Variants in TLR4 observed in about 807,000 individuals in gnomAD.
TLR4 encodes the protein toll like receptor 4, also known as toll-like receptor 4.
TLR4 carries 17 observed loss-of-function variants against 27.4 expected under a neutral mutation model. That is an observed-to-expected ratio of 0.62 (90% CI 0.42 to 0.93). The LOEUF (loss-of-function observed/expected upper bound fraction) is 0.93, where lower values mean the gene tolerates loss of function less well. TLR4 is among the 40% of genes least tolerant of loss of function. TLR4 has a pLI of 0.00. For missense variants in TLR4, 926 were observed against 962.3 expected, an observed-to-expected ratio of 0.96 and a Z score of 0.50; for synonymous variants, 363 against 365.7, an observed-to-expected ratio of 0.99 and a Z score of 0.08.
At chr9:117,705,733 CTTGT>C (rs1163601859) in intron 1 of TLR4, among the ~76,000 whole-genome samples, 1 of 152,106 alleles carries the variant, frequency 6.6e-6, no homozygotes, top group African/African-American at 2.4e-5. Context: ...TCTGCACGTT[CTTGT>C]TTGTTATGTA....
At position 117,717,728 on chromosome 9, in the gene TLR4, A is replaced by C. The variant is rs1292130665; in HGVS notation, c.*3080A>C. On this transcript the variant is annotated 3_prime_UTR_variant, in exon 3 of 3. Coordinates refer to ENST00000355622, the MANE Select transcript of TLR4 (RefSeq NM_138554.5). ...TCTGCATAAGTGTGTTTATTCAAGC[A>C]AATGTACAAGGCTCTGAGAAGGAAG... 2.0e-5 allele frequency: 3 copies of C among 152,166 alleles called. No individual in the cohort carries two copies. Among genetic ancestry groups the C allele is most frequent in the East Asian group, 1.9e-4 (1 of 5,186 alleles). 9.4% of individuals were successfully genotyped at this position (152,166 alleles called of 1,614,324 possible).
chr9:117,707,688 A>G (rs911081410), intron 1 of TLR4, among the ~76,000 whole-genome samples: 2 of 152,126 alleles, frequency 1.3e-5, no homozygotes, highest in African/African-American at 4.8e-5. Flanking sequence ...ACTTGACCTT[A>G]TTTACTAGGT....
In TLR4 at chr9:117,714,332, T is replaced by C. The variant is rs773073237; in HGVS notation, c.2204T>C (p.Val735Ala). 2 of 1,599,246 alleles carry C rather than the reference T, an allele frequency of 1.3e-6. No homozygotes were observed. Among genetic ancestry groups the C allele is most frequent in the South Asian group, 1.1e-5 (1 of 90,628 alleles). Reference protein sequence around the residue: ...EGFHKSRKVIVVVSQHFIQSR... With the variant: ...EGFHKSRKVIAVVSQHFIQSR... ...TTCCATAAAAGCCGAAAGGTGATTG[T>C]TGTGGTGTCCCAGCACTTCATCCAG... is the stretch of plus-strand genomic sequence containing the variant. The change falls in exon 3 of 3, where the codon GTT becomes GCT. Residue 735 changes from valine (V) to alanine (A), a missense_variant. Val to Ala is a moderately conservative substitution (Grantham distance 64). Transcript: ENST00000355622.
At chr9:117,709,893 C>T (rs556491126) in intron 2 of TLR4, among the ~76,000 whole-genome samples, 21 of 152,058 alleles carry the variant, frequency 1.4e-4, no homozygotes, top group Middle Eastern at 3.4e-3. Context: ...AACCATGTAA[C>T]CTTAGGCATA....
In TLR4 at chr9:117,717,610, A is replaced by C. The variant is rs1829373846; in HGVS notation, c.*2962A>C. On this transcript the variant is annotated 3_prime_UTR_variant, in exon 3 of 3. Transcript: ENST00000355622. ...TACATGATTGTTTATCTACAGATGT[A>C]TGCCTCAGTTTCTTAGTATGCTTGA... 1 of 152,140 alleles carries C rather than the reference A, an allele frequency of 6.6e-6. No individual in the cohort carries two copies. Among genetic ancestry groups the C allele is most frequent in the South Asian group, 2.1e-4 (1 of 4,830 alleles). 9.4% of individuals were successfully genotyped at this position (152,140 alleles called of 1,614,324 possible). A position where few individuals can be genotyped will look rare whatever the true frequency, so the allele number is the denominator to read the frequency against.
chr9:117,708,942 A>G (rs546939284), intron 2 of TLR4: 2 of 567,372 alleles, frequency 3.5e-6, no homozygotes, highest in South Asian at 4.3e-5. Flanking sequence ...GTTGGCTGAG[A>G]CAGCTTCTAA....
rs1829451844 is a variant in TLR4 at position 117,723,999 on chromosome 9, CAG to C, written c.*9355_*9356del. ...TTTCACAGTTGTGGATTGATAAAAA[CAG>C]AGAACTCTGGTTCCTCATTCCTTCC... On this transcript the variant is annotated 3_prime_UTR_variant, in exon 3 of 3. Transcript: ENST00000355622. 6.6e-6 allele frequency: 1 copy of C among 152,222 alleles called. No individual in the cohort carries two copies. Among genetic ancestry groups the C allele is most frequent in the Non-Finnish European group, 1.5e-5 (1 of 68,048 alleles). 9.4% of individuals were successfully genotyped at this position (152,222 alleles called of 1,614,324 possible).
At position 117,715,051 on chromosome 9, in the gene TLR4, C is replaced by T. The variant is rs11536886; in HGVS notation, c.*403C>T. 4.7e-4 allele frequency: 98 copies of T among 210,600 alleles called. No homozygotes were observed. Among genetic ancestry groups the T allele is most frequent in the African/African-American group, 2.1e-3 (89 of 43,264 alleles). 13.0% of individuals were successfully genotyped at this position (210,600 alleles called of 1,614,324 possible). ...TAGTTTTGACTGAACTGGGTGTTCACTTTTTCCTTTTTGATTGAATACAAT... is the reference window on the plus strand; with the variant it reads ...TAGTTTTGACTGAACTGGGTGTTCATTTTTTCCTTTTTGATTGAATACAAT... On this transcript the variant is annotated 3_prime_UTR_variant, in exon 3 of 3. Transcript: ENST00000355622.
chr9:117,712,732 C>A lies in TLR4; in HGVS notation c.604C>A (p.Pro202Thr), dbSNP rs779774504. 1.9e-6 allele frequency: 3 copies of A among 1,614,066 alleles called. No individual in the cohort carries two copies. Among genetic ancestry groups the A allele is most frequent in the Non-Finnish European group, 2.5e-6 (3 of 1,180,002 alleles). Reference sequence around the variant, plus strand: ...AGACTTGCGGGTTCTACATCAAATGCCCCTACTCAATCTCTCTTTAGACCT... The same window carrying A: ...AGACTTGCGGGTTCTACATCAAATGACCCTACTCAATCTCTCTTTAGACCT... ...CTDLRVLHQM[P>T]LLNLSLDLSL... The change falls in exon 3 of 3, where the codon CCC (proline) becomes ACC (threonine). Residue 202 changes from proline (P) to threonine (T), a missense_variant. By Grantham distance (38) the Pro-to-Thr change is conservative. Transcript: ENST00000355622.
chr9:117,714,951 AAG>A lies in TLR4; in HGVS notation c.*307_*308del. ...GTTGAATAAAGACAGAGAAAACAGA[AAG>A]AGACATTGTTCTTTTCCTGAGTCTT... On this transcript the variant is annotated 3_prime_UTR_variant, in exon 3 of 3. Transcript: ENST00000355622. The A allele has an allele frequency of 2.4e-6, 1 of 412,836 alleles. No homozygotes were observed. The highest frequency in any genetic ancestry group is 3.7e-5 in the Admixed American group (1 of 26,798). 25.6% of individuals were successfully genotyped at this position (412,836 alleles called of 1,614,324 possible). A position where few individuals can be genotyped will look rare whatever the true frequency, so the allele number is the denominator to read the frequency against.
In TLR4 at chr9:117,722,320, G is replaced by A. The variant is rs1378676287; in HGVS notation, c.*7672G>A. Reference sequence around the variant, plus strand: ...TCCCAGAAACTCCTTTTTCCTTATCGTTGAGGGGAATTGGGGAAGTGATCA... The same window carrying A: ...TCCCAGAAACTCCTTTTTCCTTATCATTGAGGGGAATTGGGGAAGTGATCA... On this transcript the variant is annotated 3_prime_UTR_variant, in exon 3 of 3. Transcript: ENST00000355622. The A allele has an allele frequency of 2.6e-5, 4 of 152,034 alleles. No homozygotes were observed. Among genetic ancestry groups the A allele is most frequent in the South Asian group, 2.1e-4 (1 of 4,822 alleles). 9.4% of individuals were successfully genotyped at this position (152,034 alleles called of 1,614,324 possible).
chr9:117,722,848 A>G lies in TLR4; in HGVS notation c.*8200A>G, dbSNP rs1041349533. On this transcript the variant is annotated 3_prime_UTR_variant, in exon 3 of 3. Coordinates refer to ENST00000355622, the MANE Select transcript of TLR4 (RefSeq NM_138554.5). ...GATGAATGTATTACCTTTAGTGGTT[A>G]TATGTTTATTTTCATGGTTACTTTT... is the stretch of plus-strand genomic sequence containing the variant. 2 of 152,214 alleles carry G rather than the reference A, an allele frequency of 1.3e-5. No homozygotes were observed. The highest frequency in any genetic ancestry group is 1.3e-4 in the Admixed American group (2 of 15,280). The allele number at this position is 152,214 out of a possible 1,614,324, so 9.4% of individuals were successfully genotyped here.
rs1485261843 is a variant in TLR4, at chr9:117,712,749, T to C, written c.621T>C (p.Ser207=). 1 of 1,613,934 alleles carries C rather than the reference T, an allele frequency of 6.2e-7. No individual in the cohort carries two copies. Among genetic ancestry groups the C allele is most frequent in the African/African-American group, 1.3e-5 (1 of 74,936 alleles). The change falls in exon 3 of 3, where the codon TCT becomes TCC. Residue 207 remains serine (S), a synonymous_variant. Transcript: ENST00000355622. Reference sequence around the variant, plus strand: ...ATCAAATGCCCCTACTCAATCTCTCTTTAGACCTGTCCCTGAACCCTATGA... The same window carrying C: ...ATCAAATGCCCCTACTCAATCTCTCCTTAGACCTGTCCCTGAACCCTATGA... The part of the protein sequence containing the change: ...VLHQMPLLNL[S]LDLSLNPMNF...
rs1403816662 is a variant in TLR4, at chr9:117,712,398, C to A, written c.270C>A (p.Ile90=). 2 of 1,613,662 alleles carry A rather than the reference C, an allele frequency of 1.2e-6. No individual in the cohort carries two copies. The highest frequency in any genetic ancestry group is 2.2e-5 in the East Asian group (1 of 44,842). The change falls in exon 3 of 3, where the codon ATC becomes ATA. Residue 90 remains isoleucine (I), a synonymous_variant. Transcript: ENST00000355622. ...LQVLDLSRCE[I]QTIEDGAYQS... ...CTTTTTATTCCTGTAGGTGTGAAAT[C>A]CAGACAATTGAAGATGGGGCATATC...
chr9:117,713,568 C>G lies in TLR4; in HGVS notation c.1440C>G (p.Gly480=). ...GTCTCGAAGTCTTGAAAATGGCTGG[C>G]AATTCTTTCCAGGAAAACTTCCTTC... ...LSSLEVLKMA[G]NSFQENFLPD... is the part of the protein sequence containing the mutation. The change falls in exon 3 of 3, where the codon GGC becomes GGG. Residue 480 remains glycine, a synonymous_variant. Coordinates refer to ENST00000355622, the MANE Select transcript of TLR4 (RefSeq NM_138554.5). 1 of 1,614,006 alleles carries G rather than the reference C, an allele frequency of 6.2e-7. No homozygotes were observed. The highest frequency in any genetic ancestry group is 1.1e-5 in the South Asian group (1 of 91,074).
rs755087055 is a variant in TLR4, at chr9:117,713,118, C to T, written c.990C>T (p.Phe330=). The change falls in exon 3 of 3, where the codon TTC becomes TTT. Residue 330 remains phenylalanine, a synonymous_variant. Transcript: ENST00000355622. ...GGGTAAAAGACTTTTCTTATAATTT[C>T]GGATGGCAACATTTAGAATTAGTTA... The part of the protein sequence containing the change: ...IERVKDFSYN[F]GWQHLELVNC... 12 of 1,611,934 alleles carry T rather than the reference C, an allele frequency of 7.4e-6. No homozygotes were observed. The highest frequency in any genetic ancestry group is 6.7e-5 in the East Asian group (3 of 44,828).
At position 117,719,418 on chromosome 9, in the gene TLR4, G is replaced by C. The variant is rs1829397385; in HGVS notation, c.*4770G>C. 1 of 152,132 alleles carries C rather than the reference G, an allele frequency of 6.6e-6. No homozygotes were observed. Among genetic ancestry groups the C allele is most frequent in the East Asian group, 1.9e-4 (1 of 5,194 alleles). 9.4% of individuals were successfully genotyped at this position (152,132 alleles called of 1,614,324 possible). A position where few individuals can be genotyped will look rare whatever the true frequency, so the allele number is the denominator to read the frequency against. ...CGCAGAAGCAGGGCTTCTAAATACTGTTCTATGGCAAGAGCACCCTGCTCT... is the reference window on the plus strand; with the variant it reads ...CGCAGAAGCAGGGCTTCTAAATACTCTTCTATGGCAAGAGCACCCTGCTCT... On this transcript the variant is annotated 3_prime_UTR_variant, in exon 3 of 3. Transcript: ENST00000355622.
chr9:117,714,026 T>A lies in TLR4; in HGVS notation c.1898T>A (p.Ile633Asn), dbSNP rs1564266669. 6.2e-7 allele frequency: 1 copy of A among 1,613,980 alleles called. No individual in the cohort carries two copies. The highest frequency in any genetic ancestry group is 8.5e-7 in the Non-Finnish European group (1 of 1,179,988). Reference sequence around the variant, plus strand: ...ATCACCTGTCAGATGAATAAGACCATCATTGGTGTGTCGGTCCTCAGTGTG... The same window carrying A: ...ATCACCTGTCAGATGAATAAGACCAACATTGGTGTGTCGGTCCTCAGTGTG... Reference protein sequence around the residue: ...LNITCQMNKTIIGVSVLSVLV... With the variant: ...LNITCQMNKTNIGVSVLSVLV... Residue 633 changes from isoleucine to asparagine, a missense_variant, in exon 3 of 3, where the codon ATC becomes AAC. Transcript: ENST00000355622.
In TLR4 at chr9:117,718,931, GTCT is replaced by G. The variant is rs1357280506; in HGVS notation, c.*4290_*4292del. ...CTACTCACGGGATTGTCAGACCCCA[GTCT>G]TCTTCTGGACTCTATAAACTTTTTA... On this transcript the variant is annotated 3_prime_UTR_variant, in exon 3 of 3. Transcript: ENST00000355622. 1 of 152,180 alleles carries G rather than the reference GTCT, an allele frequency of 6.6e-6. No homozygotes were observed. The highest frequency in any genetic ancestry group is 1.9e-4 in the East Asian group (1 of 5,198). The allele number at this position is 152,180 out of a possible 1,614,324, so 9.4% of individuals were successfully genotyped here.
Sources: allele counts gnomAD v4.1 joint callset (sites outside exome capture counted in the v4.1 genomes callset), GRCh38; gene constraint gnomAD v4.1.1; transcripts MANE v1.5; gene names NCBI Gene and HGNC (gene_info 2026-07-23, HGNC 2026-07-21).